WDR72: variants seen among roughly 807,000 people sequenced by gnomAD.
The protein encoded by WDR72 is WD repeat domain 72, also known as WD repeat-containing protein 72.
A neutral mutation model predicts 124.2 loss-of-function variants in WDR72; 120 were observed. That is an observed-to-expected ratio of 0.97 (90% CI 0.83 to 1.12). WDR72 has a LOEUF of 1.12. WDR72 is among the 50% of genes most tolerant of loss of function. The pLI, the probability that WDR72 is intolerant of heterozygous loss-of-function variation, is 0.00. For synonymous variants in WDR72, 452 were observed against 441.7 expected, an observed-to-expected ratio of 1.02 and a Z score of -0.29; for missense variants, 1,387 against 1,278.8, an observed-to-expected ratio of 1.08 and a Z score of -1.29.
chr15:53,625,528 T>C (rs1435641514), intron 14 of WDR72, among the ~76,000 whole-genome samples: 1 of 152,206 alleles, frequency 6.6e-6, no homozygotes, highest in Admixed American at 6.5e-5. Flanking sequence ...TGCTGATACA[T>C]CTACATGTGA....
intron 18 of WDR72, among the ~76,000 whole-genome samples, chr15:53,579,182 C>G (rs1017886903): frequency 6.6e-6 from 1 of 152,056 alleles, no homozygotes; most frequent in African/African-American, 2.4e-5. Flanking sequence ...GTGAGCCTAA[C>G]AAGAACCCCT....
chr15:53,616,070 G>T lies in WDR72; in HGVS notation c.2136C>A (p.Val712=), dbSNP rs749957039. The T allele has an allele frequency of 9.9e-6, 16 of 1,610,000 alleles. No individual in the cohort carries two copies. Among genetic ancestry groups the T allele is most frequent in the Non-Finnish European group, 1.3e-5 (15 of 1,177,644 alleles). ...CCACTGTGCTCTTGGCTCTTCTCAGGACCTCACCACCATAGAATGAACTGG... is the reference window on the plus strand; with the variant it reads ...CCACTGTGCTCTTGGCTCTTCTCAGTACCTCACCACCATAGAATGAACTGG... The part of the protein sequence containing the change: ...DSSSSFYGGE[V]LRRAKSTVEK... The change falls in exon 15 of 20, where the codon GTC becomes GTA. Residue 712 remains valine (V), a synonymous_variant. Transcript: ENST00000360509.
At chr15:53,721,414 C>A (rs561069671) in intron 3 of WDR72, among the ~76,000 whole-genome samples, 6 of 152,236 alleles carry the variant, frequency 3.9e-5, no homozygotes, top group Admixed American at 2.6e-4. Context: ...AATTCACCAT[C>A]CCCAAAATTC....
In WDR72 at chr15:53,702,131, T is replaced by G; in HGVS notation, c.1569+3A>C. On this transcript the variant is annotated splice_donor_region_variant and intron_variant, in intron 12 of 19. Coordinates refer to ENST00000360509, the MANE Select transcript of WDR72 (RefSeq NM_182758.4). ...AGATGTTATATTTTACTCTTCGTCT[T>G]ACTTTAAACTTCTCTGGTGACATCA... The G allele has an allele frequency of 1.9e-6, 3 of 1,608,990 alleles. No homozygotes were observed. The highest frequency in any genetic ancestry group is 2.5e-6 in the Non-Finnish European group (3 of 1,177,184).
rs1476538334 is a variant in WDR72 at position 53,514,676 on chromosome 15, T to C, written c.*3023A>G. ...AGTTTCTAAAATAGTAACAGAATGT[T>C]TGATACCTGGGGCTACTTTTTAACT... On this transcript the variant is annotated 3_prime_UTR_variant, in exon 20 of 20. Transcript: ENST00000360509. 6.6e-6 allele frequency: 1 copy of C among 152,156 alleles called. No individual in the cohort carries two copies. Among genetic ancestry groups the C allele is most frequent in the Non-Finnish European group, 1.5e-5 (1 of 68,012 alleles). 9.4% of individuals were successfully genotyped at this position (152,156 alleles called of 1,614,324 possible).
At chr15:53,692,978 T>C (rs2016889112) in intron 13 of WDR72, among the ~76,000 whole-genome samples, 1 of 152,032 alleles carries the variant, frequency 6.6e-6, no homozygotes, top group South Asian at 2.1e-4. Flanking sequence ...CAAAATAACA[T>C]GGCTTCGAGA....
chr15:53,633,257 G>A (rs2014499912), intron 14 of WDR72, among the ~76,000 whole-genome samples: 1 of 152,124 alleles, frequency 6.6e-6, no homozygotes, highest in Admixed American at 6.6e-5. Flanking sequence ...AGATACGGTT[G>A]TTTAAAAAGT....
chr15:53,594,796 C>G (rs557513121), intron 18 of WDR72, among the ~76,000 whole-genome samples: 2 of 151,036 alleles, frequency 1.3e-5, no homozygotes, highest in East Asian at 3.9e-4. Flanking sequence ...CCCCACCCCC[C>G]CAAAAAAAAT....
intron 18 of WDR72, among the ~76,000 whole-genome samples, chr15:53,537,263 T>G (rs1031138201): frequency 6.6e-5 from 10 of 152,196 alleles, no homozygotes; most frequent in African/African-American, 1.4e-4. Flanking sequence ...AGAGTGATGG[T>G]TTAATTGAAT....
chr15:53,748,114 C>G (rs2018687403), intron 1 of WDR72, among the ~76,000 whole-genome samples: 1 of 151,752 alleles, frequency 6.6e-6, no homozygotes, highest in East Asian at 1.9e-4. Context: ...CTGCAGAGAA[C>G]ACAAAGAACA....
intron 18 of WDR72, among the ~76,000 whole-genome samples, chr15:53,556,039 T>A (rs1168758813): frequency 6.6e-6 from 1 of 152,134 alleles, no homozygotes; most frequent in African/African-American, 2.4e-5. Context: ...TTAAACACAT[T>A]TTCTTTGAAA....
At chr15:53,618,192 C>T (rs1452454438) in intron 14 of WDR72, among the ~76,000 whole-genome samples, 1 of 151,818 alleles carries the variant, frequency 6.6e-6, no homozygotes, top group Non-Finnish European at 1.5e-5. Context: ...ATTTGAATTT[C>T]ATGCTTATAA....
intron 18 of WDR72, among the ~76,000 whole-genome samples, chr15:53,581,667 A>C (rs949566710): frequency 3.9e-5 from 6 of 152,052 alleles, no homozygotes; most frequent in African/African-American, 1.2e-4. Flanking sequence ...AAGATGAAAA[A>C]ATCCTAACTC....
rs2018066349 is a variant in WDR72, at chr15:53,727,207, GAC to G, written c.154-4301_154-4300del. 5.6e-5 allele frequency among the ~76,000 whole-genome samples: 7 copies of G among 125,150 alleles called. No homozygotes were observed. The Admixed American group carries it at 6.2e-4, about 11-fold the overall frequency. The allele number at this position is 125,150 out of a possible 152,430, so 82.1% of individuals were successfully genotyped here. Reference sequence around the variant, plus strand: ...CTCATCACTGCACTCCAGCCTGGGTGACAGAGTAAGACTCTGTCTAAAAAAAA... The same window carrying G: ...CTCATCACTGCACTCCAGCCTGGGTGAGAGTAAGACTCTGTCTAAAAAAAA... On this transcript the variant is annotated intron_variant, in intron 2 of 19. Transcript: ENST00000360509.
At chr15:53,589,703 A>C (rs544830823) in intron 18 of WDR72, among the ~76,000 whole-genome samples, 1 of 152,152 alleles carries the variant, frequency 6.6e-6, no homozygotes, top group South Asian at 2.1e-4. Context: ...ATTTAACTCA[A>C]TTCCTCGATC....
At chr15:53,556,790 C>T (rs1893949407) in intron 18 of WDR72, among the ~76,000 whole-genome samples, 1 of 152,100 alleles carries the variant, frequency 6.6e-6, no homozygotes, top group Non-Finnish European at 1.5e-5. Flanking sequence ...CAAAACCTTG[C>T]ATAAACCTGG....
intron 16 of WDR72, among the ~76,000 whole-genome samples, chr15:53,611,329 T>C (rs186378119): frequency 2.6e-5 from 4 of 152,258 alleles, no homozygotes; most frequent in Admixed American, 1.3e-4. Context: ...TCCAGAGAGA[T>C]GATTCTATAG....
chr15:53,645,622 C>A (rs1030364843), intron 14 of WDR72, among the ~76,000 whole-genome samples: 32 of 152,084 alleles, frequency 2.1e-4, no homozygotes, highest in African/African-American at 7.7e-4. Flanking sequence ...CACAGAAAAA[C>A]TAAAACTGTA....
At chr15:53,550,482 T>C (rs1893685257) in intron 18 of WDR72, among the ~76,000 whole-genome samples, 1 of 152,194 alleles carries the variant, frequency 6.6e-6, no homozygotes, top group African/African-American at 2.4e-5. Context: ...AATTGGGAGC[T>C]TATCAGAATC....
Sources: allele counts gnomAD v4.1 joint callset (sites outside exome capture counted in the v4.1 genomes callset), GRCh38; gene constraint gnomAD v4.1.1; transcripts MANE v1.5; gene names NCBI Gene and HGNC (gene_info 2026-07-23, HGNC 2026-07-21).